The following ATOSB variants were observed in gnomAD, a reference collection of about 807,000 sequenced individuals.
ATOSB encodes atos homolog B, also known as atos homolog protein B.
chr9:35,107,961 T>C, the ATOSB span: 1 of 1,605,214 alleles, frequency 6.2e-7, no homozygotes, highest in Admixed American at 1.7e-5. Flanking sequence ...CCCCGGTCCC[T>C]CTGGGCCTAA....
the ATOSB span, chr9:35,107,555 G>C: frequency 1.3e-6 from 2 of 1,595,606 alleles, no homozygotes; most frequent in African/African-American, 1.4e-5. Context: ...GCCTTCGCTT[G>C]GTGGGGCAGG....
chr9:35,114,385 C>T, the ATOSB span, among the ~76,000 whole-genome samples: 1 of 149,664 alleles, frequency 6.7e-6, no homozygotes, highest in Admixed American at 6.6e-5. Context: ...AGACCCACCC[C>T]CCTCCCCAGC....
the ATOSB span, among the ~76,000 whole-genome samples, chr9:35,115,464 A>G: frequency 6.6e-6 from 1 of 151,778 alleles, no homozygotes; most frequent in South Asian, 2.1e-4. Flanking sequence ...TCCCCTAGAT[A>G]GTGCCCGCAG....
the ATOSB span, chr9:35,108,551 C>T: frequency 3.5e-5 from 43 of 1,227,248 alleles, no homozygotes; most frequent in Non-Finnish European, 4.2e-5. Flanking sequence ...TTAGCTCAGG[C>T]TTCTTACTGG....
chr9:35,106,597 G>C, the ATOSB span: 8 of 1,566,000 alleles, frequency 5.1e-6, no homozygotes, highest in Admixed American at 5.8e-5. The surrounding 1 kb of genome is among the most constrained non-coding windows in gnomAD (Gnocchi z 4.6). Flanking sequence ...GAGGCACTGG[G>C]GGGGCTCAGC....
the ATOSB span, among the ~76,000 whole-genome samples, chr9:35,107,133 G>A: frequency 6.6e-6 from 1 of 151,812 alleles, no homozygotes; most frequent in African/African-American, 2.4e-5. Context: ...ACCAGCTTGG[G>A]CAACATGGCG....
the ATOSB span, chr9:35,105,170 T>C: frequency 1.3e-6 from 2 of 1,559,498 alleles, no homozygotes; most frequent in Non-Finnish European, 8.7e-7. The surrounding 1 kb of genome is among the most constrained non-coding windows in gnomAD (Gnocchi z 5.5). Flanking sequence ...TTCTCTAAGA[T>C]GGAGCAGGAT....
At chr9:35,107,891 C>A in the ATOSB span, 1 of 1,594,176 alleles carries the variant, frequency 6.3e-7, no homozygotes, top group Non-Finnish European at 8.5e-7. Context: ...CACTACTTCT[C>A]TGTTCCACAA....
chr9:35,108,209 TG>T, the ATOSB span: 1 of 1,591,538 alleles, frequency 6.3e-7, no homozygotes, highest in Non-Finnish European at 8.5e-7. Flanking sequence ...CCTGCCTGAC[TG>T]GAGGCTGTGA....
At chr9:35,108,142 G>A in the ATOSB span, 1 of 1,577,956 alleles carries the variant, frequency 6.3e-7, no homozygotes, top group Non-Finnish European at 8.6e-7. Flanking sequence ...TAGACCCCGG[G>A]GGATGTCGCC....
the ATOSB span, chr9:35,109,839 A>G: frequency 6.6e-6 from 1 of 152,316 alleles, no homozygotes; most frequent in East Asian, 1.9e-4. Context: ...TTCTAGACCG[A>G]CCATAGAGTT....
the ATOSB span, chr9:35,106,332 ATGACCCACTAGCTC>A: frequency 6.2e-7 from 1 of 1,614,236 alleles, no homozygotes; most frequent in Admixed American, 1.7e-5. The surrounding 1 kb of genome is among the most constrained non-coding windows in gnomAD (Gnocchi z 4.6). Flanking sequence ...TGGGGGCAGT[ATGACCCACTAGCTC>A]CAATTTCTGC....
the ATOSB span, chr9:35,116,181 T>G: frequency 6.6e-6 from 1 of 151,976 alleles, no homozygotes; most frequent in Admixed American, 6.6e-5. Flanking sequence ...CTGGCAGAAG[T>G]CGCGCCAAGA....
the ATOSB span, among the ~76,000 whole-genome samples, chr9:35,113,287 T>C: frequency 6.6e-6 from 1 of 152,160 alleles, no homozygotes; most frequent in Non-Finnish European, 1.5e-5. Flanking sequence ...GGATCAAAGA[T>C]GTTCCAGGCC....
At chr9:35,105,607 A>G in the ATOSB span, 1 of 1,478,318 alleles carries the variant, frequency 6.8e-7, no homozygotes, top group Non-Finnish European at 9.3e-7. This position sits in a 1 kb window ranked among gnomAD's most constrained non-coding sequence, Gnocchi z 5.5. Flanking sequence ...TCCGGACAGT[A>G]TCGAAGCAAG....
chr9:35,108,135 A>G, the ATOSB span: 8 of 1,570,398 alleles, frequency 5.1e-6, no homozygotes, highest in East Asian at 1.4e-4. Flanking sequence ...TACCTGGTAG[A>G]CCCCGGGGGA....
chr9:35,115,982 C>T, the ATOSB span: 1 of 151,984 alleles, frequency 6.6e-6, no homozygotes, highest in East Asian at 1.9e-4. Context: ...TGGACTTGTC[C>T]CTTTCCTCGT....
At chr9:35,106,366 C>T in the ATOSB span, 1 of 1,614,200 alleles carries the variant, frequency 6.2e-7, no homozygotes, top group Non-Finnish European at 8.5e-7. This position sits in a 1 kb window ranked among gnomAD's most constrained non-coding sequence, Gnocchi z 4.6. Context: ...CTGTGAAGCC[C>T]TCAATGTGGC....
At chr9:35,106,199 C>T in the ATOSB span, 2 of 1,609,302 alleles carry the variant, frequency 1.2e-6, no homozygotes, top group Admixed American at 1.7e-5. The surrounding 1 kb of genome is among the most constrained non-coding windows in gnomAD (Gnocchi z 4.6). Context: ...GGCCCCGCCC[C>T]CAAATCCTCA....
Sources: gnomAD v4.1 joint callset for allele counts (sites outside exome capture counted in the v4.1 genomes callset) on GRCh38, gnomAD v4.1.1 for gene constraint, Gnocchi (gnomAD v3.1) non-coding constraint, MANE v1.5 for transcripts, NCBI Gene and HGNC (gene_info 2026-07-23, HGNC 2026-07-21) for gene names.